The following ST3GAL4 variants were observed in gnomAD, a reference collection of about 807,000 sequenced individuals.
ST3GAL4 encodes CMP-N-acetylneuraminate-beta-galactosamide-alpha-2,3-sialyltransferase 4.
Under a neutral mutation model 42.6 loss-of-function variants are expected in ST3GAL4, and 24 were observed. The ratio of observed to expected loss-of-function variants is 0.56; its 90% CI spans 0.41 to 0.79. The LOEUF (loss-of-function observed/expected upper bound fraction) is 0.79, where lower values mean the gene tolerates loss of function less well. Ranked by LOEUF, ST3GAL4 falls within the 30% of genes least tolerant of loss-of-function variation. ST3GAL4 has a pLI of 0.00. For synonymous variants in ST3GAL4, 135 were observed against 163.2 expected, an observed-to-expected ratio of 0.83 and a Z score of 1.32; for missense variants, 311 against 430.8, an observed-to-expected ratio of 0.72 and a Z score of 2.46.
rs1952917040 is a variant in ST3GAL4 at position 126,379,220 on chromosome 11, T to C, written c.-61+23378T>C. 1.3e-5 allele frequency among the ~76,000 whole-genome samples: 2 copies of C among 152,258 alleles called. No homozygotes were observed. Among genetic ancestry groups the C allele is most frequent in the Non-Finnish European group, 2.9e-5 (2 of 68,044 alleles). ...ATCTAGAGGATTACGTAGCCACCAA[T>C]TGCTTTGCTTAGTAGTGAGGATGGC... is the stretch of plus-strand genomic sequence containing the variant. On this transcript the variant is annotated intron_variant, in intron 1 of 10. Coordinates refer to ENST00000444328, the MANE Select transcript of ST3GAL4 (RefSeq NM_001254757.2). The surrounding 1 kb of genome is among the most constrained non-coding windows in gnomAD (Gnocchi z 4.2).
intron 1 of ST3GAL4, among the ~76,000 whole-genome samples, chr11:126,381,610 T>G (rs1953004822): frequency 6.9e-6 from 1 of 145,606 alleles, no homozygotes; most frequent in Non-Finnish European, 1.5e-5. Context: ...TTCTGCCTCC[T>G]GCTTCCTGGG....
At position 126,397,517 on chromosome 11, in the gene ST3GAL4, A is replaced by G. The variant is rs1418295817; in HGVS notation, c.-60-8579A>G. Among the ~76,000 whole-genome samples, 2 of 151,176 alleles carry G rather than the reference A, an allele frequency of 1.3e-5. No individual in the cohort carries two copies. The highest frequency in any genetic ancestry group is 2.9e-5 in the Non-Finnish European group (2 of 67,994). On this transcript the variant is annotated intron_variant, in intron 1 of 10. Transcript: ENST00000444328. This position sits in a 1 kb window ranked among gnomAD's most constrained non-coding sequence, Gnocchi z 5.0. ...ACCAAAACATCAGTCATTTGGAAGT[A>G]TAAGTCAAGCCTTCGTAGGAGAGGA...
intron 1 of ST3GAL4, chr11:126,358,634 C>T: frequency 3.5e-6 from 1 of 285,136 alleles, no homozygotes; most frequent in South Asian, 2.6e-5. Flanking sequence ...GACTGGAGCC[C>T]CTGAGCCCTG....
At chr11:126,395,394 A>G (rs1221345422) in intron 1 of ST3GAL4, among the ~76,000 whole-genome samples, 2 of 152,138 alleles carry the variant, frequency 1.3e-5, no homozygotes, top group Non-Finnish European at 2.9e-5. Flanking sequence ...GGAGAGAGAT[A>G]GCCAGGCCCA....
Position 126,398,285 on chromosome 11 carries a change from AG to A in ST3GAL4, c.-60-7807del, listed in dbSNP as rs1953858904. Among the ~76,000 whole-genome samples, 1 of 152,240 alleles carries A rather than the reference AG, an allele frequency of 6.6e-6. No homozygotes were observed. Among genetic ancestry groups the A allele is most frequent in the African/African-American group, 2.4e-5 (1 of 41,468 alleles). Reference sequence around the variant, plus strand: ...AAAAGGGAGAGATAGGCAAGAAGAAAGGGGCAACTGGTCCAGACAACTCCAG... The same window carrying A: ...AAAAGGGAGAGATAGGCAAGAAGAAAGGGCAACTGGTCCAGACAACTCCAG... On this transcript the variant is annotated intron_variant, in intron 1 of 10. Transcript: ENST00000444328. This position sits in a 1 kb window ranked among gnomAD's most constrained non-coding sequence, Gnocchi z 4.7.
In ST3GAL4 at chr11:126,414,328, T is replaced by C. The variant is rs1370846945; in HGVS notation, c.*281T>C. 2 of 498,946 alleles carry C rather than the reference T, an allele frequency of 4.0e-6. No homozygotes were observed. Among genetic ancestry groups the C allele is most frequent in the Non-Finnish European group, 7.3e-6 (2 of 274,014 alleles). The allele number at this position is 498,946 out of a possible 1,614,324, so 30.9% of individuals were successfully genotyped here. ...CTCTCTGCCAGCACCAAGAGATTAT[T>C]TAATGGGCTATTTAATTAAGGGGTA... On this transcript the variant is annotated 3_prime_UTR_variant, in exon 11 of 11. Coordinates refer to ENST00000444328, the MANE Select transcript of ST3GAL4 (RefSeq NM_001254757.2).
At chr11:126,370,560 T>G (rs891768201) in intron 1 of ST3GAL4, among the ~76,000 whole-genome samples, 1 of 152,220 alleles carries the variant, frequency 6.6e-6, no homozygotes, top group Non-Finnish European at 1.5e-5. Flanking sequence ...TCTTAGTTTT[T>G]TACTCTTTTA....
rs1194903667 is a variant in ST3GAL4 at position 126,383,241 on chromosome 11, C to T, written c.-60-22855C>T. 2.6e-5 allele frequency among the ~76,000 whole-genome samples: 4 copies of T among 152,172 alleles called. No individual in the cohort carries two copies. Among genetic ancestry groups the T allele is most frequent in the South Asian group, 2.1e-4 (1 of 4,828 alleles). ...GAGCTGAGCCTGGCTGGGCAGAGGG[C>T]GAGGAGCCCAGGATTCCCCTTTCCG... On this transcript the variant is annotated intron_variant, in intron 1 of 10. Coordinates refer to ENST00000444328, the MANE Select transcript of ST3GAL4 (RefSeq NM_001254757.2). The surrounding 1 kb of genome is among the most constrained non-coding windows in gnomAD (Gnocchi z 4.5).
rs1423867166 is a variant in ST3GAL4 at position 126,393,532 on chromosome 11, T to A, written c.-60-12564T>A. On this transcript the variant is annotated intron_variant, in intron 1 of 10. Transcript: ENST00000444328. This position sits in a 1 kb window ranked among gnomAD's most constrained non-coding sequence, Gnocchi z 5.9. ...GACTTTGATGTGCTTTGACTGCACATCAGAGTCAAACGAGTCAGAATAAGC... is the reference window on the plus strand; with the variant it reads ...GACTTTGATGTGCTTTGACTGCACAACAGAGTCAAACGAGTCAGAATAAGC... Among the ~76,000 whole-genome samples the A allele has an allele frequency of 6.6e-6, 1 of 152,154 alleles. No homozygotes were observed. Among genetic ancestry groups the A allele is most frequent in the Non-Finnish European group, 1.5e-5 (1 of 68,030 alleles).
chr11:126,401,557 G>GA (rs751880802), intron 1 of ST3GAL4, among the ~76,000 whole-genome samples: 4,778 of 123,746 alleles, frequency 0.039, 112 homozygotes, highest in Non-Finnish European at 0.062. Context: ...CTCCCTCTCA[G>GA]AAAAAAAAAA....
chr11:126,394,622 A>C (rs1225610492), intron 1 of ST3GAL4, among the ~76,000 whole-genome samples: 1 of 151,942 alleles, frequency 6.6e-6, no homozygotes, highest in East Asian at 1.9e-4. Context: ...ATGGGGTTTC[A>C]CCATGATGCC....
At chr11:126,413,468 G>A in intron 9 of ST3GAL4, 37 bp from the exon 10 acceptor site, 1 of 1,609,270 alleles carries the variant, frequency 6.2e-7, no homozygotes, top group Non-Finnish European at 8.5e-7. Context: ...GGGAGGAGCA[G>A]GGCTCCCACT....
chr11:126,409,161 C>A lies in ST3GAL4; in HGVS notation c.628-107C>A. ...CCTCTCACCTTGTGCTCCTGAAGGC[C>A]TCTGCCATCGCTTGGACCCCCTCGC... On this transcript the variant is annotated intron_variant, in intron 8 of 10. Transcript: ENST00000444328. The surrounding 1 kb of genome is among the most constrained non-coding windows in gnomAD (Gnocchi z 4.9). The A allele has an allele frequency of 7.0e-7, 1 of 1,425,204 alleles. No homozygotes were observed. Among genetic ancestry groups the A allele is most frequent in the Non-Finnish European group, 9.7e-7 (1 of 1,033,534 alleles). The allele number at this position is 1,425,204 out of a possible 1,614,324, so 88.3% of individuals were successfully genotyped here.
At position 126,406,341 on chromosome 11, in the gene ST3GAL4, C is replaced by T. The variant is rs978528171; in HGVS notation, c.17-132C>T. On this transcript the variant is annotated intron_variant, in intron 2 of 10. Transcript: ENST00000444328. This position sits in a 1 kb window ranked among gnomAD's most constrained non-coding sequence, Gnocchi z 5.4. ...ATCAGGGTCAAGCCCTCAGCCAGGG[C>T]CAGGAGAGGGCCAGAGACTGCTTCT... is the stretch of plus-strand genomic sequence containing the variant. The T allele has an allele frequency of 9.7e-6, 15 of 1,547,210 alleles. No individual in the cohort carries two copies. The highest frequency in any genetic ancestry group is 1.2e-5 in the Non-Finnish European group (14 of 1,146,062).
Position 126,386,261 on chromosome 11 carries a change from T to C in ST3GAL4, c.-60-19835T>C, listed in dbSNP as rs1172731151. 6.6e-6 allele frequency among the ~76,000 whole-genome samples: 1 copy of C among 152,160 alleles called. No individual in the cohort carries two copies. Among genetic ancestry groups the C allele is most frequent in the Admixed American group, 6.5e-5 (1 of 15,276 alleles). Reference sequence around the variant, plus strand: ...TGTCATTGCCCCGTCATCTCCACCATTTCCTGTTTGCCGTGTGTCTGTGCC... The same window carrying C: ...TGTCATTGCCCCGTCATCTCCACCACTTCCTGTTTGCCGTGTGTCTGTGCC... On this transcript the variant is annotated intron_variant, in intron 1 of 10. Coordinates refer to ENST00000444328, the MANE Select transcript of ST3GAL4 (RefSeq NM_001254757.2). This position sits in a 1 kb window ranked among gnomAD's most constrained non-coding sequence, Gnocchi z 4.7.
chr11:126,368,276 T>G (rs1827970688), intron 1 of ST3GAL4, among the ~76,000 whole-genome samples: 1 of 152,130 alleles, frequency 6.6e-6, no homozygotes, highest in Non-Finnish European at 1.5e-5. Flanking sequence ...TGAGACAGGA[T>G]TACCTGACAT....
chr11:126,379,846 G>A lies in ST3GAL4; in HGVS notation c.-61+24004G>A. Among the ~76,000 whole-genome samples, 1 of 152,164 alleles carries A rather than the reference G, an allele frequency of 6.6e-6. No homozygotes were observed. On this transcript the variant is annotated intron_variant, in intron 1 of 10. Coordinates refer to ENST00000444328, the MANE Select transcript of ST3GAL4 (RefSeq NM_001254757.2). The surrounding 1 kb of genome is among the most constrained non-coding windows in gnomAD (Gnocchi z 4.2). ...AACTCTAAGAGAGCTCTCATTAGCTGTGAAACATGTACCCAAGGTTCAAGA... is the reference window on the plus strand; with the variant it reads ...AACTCTAAGAGAGCTCTCATTAGCTATGAAACATGTACCCAAGGTTCAAGA...
chr11:126,368,814 C>T (rs1281479460), intron 1 of ST3GAL4, among the ~76,000 whole-genome samples: 5 of 152,160 alleles, frequency 3.3e-5, no homozygotes, highest in Non-Finnish European at 5.9e-5. Flanking sequence ...ATCTTTGCAC[C>T]CCACTGTTTT....
rs916582251 is a variant in ST3GAL4, at chr11:126,392,134, C to T, written c.-60-13962C>T. ...ATTGGCCTGTGGGCCTGAGTCCGTA[C>T]CCCTTTTCACTGGCTCCTCCTGGAG... On this transcript the variant is annotated intron_variant, in intron 1 of 10. Transcript: ENST00000444328. This position sits in a 1 kb window ranked among gnomAD's most constrained non-coding sequence, Gnocchi z 5.8. 6.1e-6 allele frequency: 1 copy of T among 162,958 alleles called. No individual in the cohort carries two copies. The highest frequency in any genetic ancestry group is 2.4e-5 in the African/African-American group (1 of 41,652). The allele number at this position is 162,958 out of a possible 1,614,324, so 10.1% of individuals were successfully genotyped here.
Sources: allele counts gnomAD v4.1 joint callset (sites outside exome capture counted in the v4.1 genomes callset), GRCh38; gene constraint gnomAD v4.1.1; non-coding constraint Gnocchi (gnomAD v3.1); transcripts MANE v1.5; gene names NCBI Gene and HGNC (gene_info 2026-07-23, HGNC 2026-07-21).